Variants in MTMR8 observed in about 807,000 individuals in gnomAD.
The protein encoded by MTMR8 is myotubularin related protein 8, also known as phosphatidylinositol-3,5-bisphosphate 3-phosphatase MTMR8.
A neutral mutation model predicts 39.3 loss-of-function variants in MTMR8; 65 were observed. The ratio of observed to expected loss-of-function variants is 1.65; its 90% CI spans 1.35 to 2.03. The LOEUF (loss-of-function observed/expected upper bound fraction) is 2.03, where lower values mean the gene tolerates loss of function less well. Among genes scored for constraint, MTMR8 ranks in the 30% most tolerant of loss-of-function variants. The pLI, the probability that MTMR8 is intolerant of heterozygous loss-of-function variation, is 0.00. For missense variants in MTMR8, 777 were observed against 538.9 expected (o/e 1.44, Z -4.37); for synonymous variants, 245 against 185.2 (o/e 1.32, Z -2.62).
chrX:64,337,539 A>C (rs1306153031), intron 8 of MTMR8, 146 bp from the exon 9 acceptor site: 1 of 578,667 alleles, frequency 1.7e-6, no homozygotes. Context: ...AACATCCTCT[A>C]TGGGGAATGA....
chrX:64,307,555 G>A (rs1229041276), intron 12 of MTMR8, among the ~76,000 whole-genome samples: 1 of 111,165 alleles, frequency 9.0e-6, no homozygotes, highest in Middle Eastern at 4.2e-3. Flanking sequence ...ATTGAGTTTC[G>A]TATCTATCCC....
intron 8 of MTMR8, among the ~76,000 whole-genome samples, chrX:64,341,205 G>A (rs368027893): frequency 2.7e-5 from 3 of 112,049 alleles, no homozygotes; most frequent in East Asian, 5.6e-4. Context: ...TGGGCCGGGC[G>A]TGGTAGCTTA....
intron 12 of MTMR8, among the ~76,000 whole-genome samples, chrX:64,291,557 T>G (rs1313729139): frequency 9.0e-6 from 1 of 111,171 alleles, no homozygotes; most frequent in Non-Finnish European, 1.9e-5. Context: ...TGTGTGCTAC[T>G]GTGGTCATAT....
intron 6 of MTMR8, among the ~76,000 whole-genome samples, chrX:64,345,775 G>A (rs754619562): frequency 9.0e-6 from 1 of 110,998 alleles, no homozygotes; most frequent in Non-Finnish European, 1.9e-5. Flanking sequence ...ACCATGCCTG[G>A]CTAATTTTTT....
At chrX:64,337,574 G>T (rs1357057683) in intron 8 of MTMR8, among the ~76,000 whole-genome samples, 181 bp from the exon 9 acceptor site, 1 of 111,996 alleles carries the variant, frequency 8.9e-6, no homozygotes, top group Admixed American at 9.5e-5. Flanking sequence ...GAGTTCAAGA[G>T]AAGGAGAGCT....
At chrX:64,383,838 C>T (rs1178245713) in intron 1 of MTMR8, among the ~76,000 whole-genome samples, 1 of 111,171 alleles carries the variant, frequency 9.0e-6, no homozygotes, top group Non-Finnish European at 1.9e-5. Context: ...TATCATTCTG[C>T]TCCTGGTCCC....
intron 1 of MTMR8, among the ~76,000 whole-genome samples, chrX:64,377,747 T>G (rs780817477): frequency 1.8e-5 from 2 of 112,113 alleles, no homozygotes; most frequent in African/African-American, 6.5e-5. Context: ...TAAAAAGGCA[T>G]GACTGTTTTG....
At chrX:64,313,183 A>G (rs1420593397) in intron 12 of MTMR8, among the ~76,000 whole-genome samples, 1 of 112,398 alleles carries the variant, frequency 8.9e-6, no homozygotes, top group Non-Finnish European at 1.9e-5. Flanking sequence ...CTTCCAATAG[A>G]AAGCTGCTTC....
At chrX:64,368,534 T>C (rs978858690) in intron 1 of MTMR8, among the ~76,000 whole-genome samples, 16 of 111,346 alleles carry the variant, frequency 1.4e-4, no homozygotes, top group Non-Finnish European at 2.6e-4. Flanking sequence ...AATAAATGGT[T>C]CTGGGAAAAC....
At chrX:64,296,854 G>C (rs1165129833) in intron 12 of MTMR8, among the ~76,000 whole-genome samples, 4 of 100,534 alleles carry the variant, frequency 4.0e-5, no homozygotes, top group Non-Finnish European at 8.0e-5. Flanking sequence ...TCTTGCGATA[G>C]TTTACTGAGA....
At chrX:64,332,273 A>G (rs1309466932) in intron 10 of MTMR8, among the ~76,000 whole-genome samples, 1 of 112,102 alleles carries the variant, frequency 8.9e-6, no homozygotes, top group Non-Finnish European at 1.9e-5. Flanking sequence ...ACCTCATCCC[A>G]GAACTGTTTA....
chrX:64,356,641 G>T (rs760359170), intron 2 of MTMR8, among the ~76,000 whole-genome samples: 2 of 110,744 alleles, frequency 1.8e-5, no homozygotes, highest in Non-Finnish European at 3.8e-5. Context: ...CTTTTAGCAT[G>T]CTGTGATAGA....
chrX:64,283,366 C>T (rs1326741629), intron 12 of MTMR8, among the ~76,000 whole-genome samples: 2 of 112,124 alleles, frequency 1.8e-5, no homozygotes, highest in Non-Finnish European at 3.8e-5. Context: ...CTCAAGGAGG[C>T]CTGCCTGCAT....
At chrX:64,277,770 C>T (rs1007348178) in intron 12 of MTMR8, among the ~76,000 whole-genome samples, 7 of 110,935 alleles carry the variant, frequency 6.3e-5, no homozygotes, top group African/African-American at 1.3e-4. Flanking sequence ...ATTTGAATGT[C>T]GGTCTGTCTT....
chrX:64,324,979 C>A (rs1161632036), intron 12 of MTMR8, among the ~76,000 whole-genome samples: 2 of 110,769 alleles, frequency 1.8e-5, no homozygotes, highest in East Asian at 2.8e-4. Context: ...AGAGACACTA[C>A]AACTGATGCT....
At chrX:64,301,178 A>G (rs1265052832) in intron 12 of MTMR8, among the ~76,000 whole-genome samples, 1 of 110,104 alleles carries the variant, frequency 9.1e-6, no homozygotes, top group Admixed American at 9.7e-5. Flanking sequence ...GTGTTTGCCA[A>G]CTTGGTTCCA....
chrX:64,303,717 T>C (rs1035296836), intron 12 of MTMR8, among the ~76,000 whole-genome samples: 2 of 112,723 alleles, frequency 1.8e-5, no homozygotes, highest in Non-Finnish European at 3.7e-5. Context: ...GCAGTACATA[T>C]GTGCCAAATT....
At chrX:64,325,327 C>T (rs965923394) in intron 12 of MTMR8, among the ~76,000 whole-genome samples, 1 of 111,731 alleles carries the variant, frequency 9.0e-6, no homozygotes, top group African/African-American at 3.3e-5. Flanking sequence ...ACCCTGATAG[C>T]AAAGCCAGGC....
In MTMR8 at chrX:64,354,762, C is replaced by T. The variant is rs1923578447; in HGVS notation, c.468+15G>A. The T allele has an allele frequency of 8.6e-7, 1 of 1,156,939 alleles. No homozygotes were observed. The highest frequency in any genetic ancestry group is 1.8e-5 in the African/African-American group (1 of 54,826). On this transcript the variant is annotated intron_variant, in intron 4 of 13. Coordinates refer to ENST00000374852, the MANE Select transcript of MTMR8 (RefSeq NM_017677.4). Reference sequence around the variant, plus strand: ...ATTAAATGCACCAAAAGGCAAACAACAAGGACAAAATTACCTCATAGTTTC... The same window carrying T: ...ATTAAATGCACCAAAAGGCAAACAATAAGGACAAAATTACCTCATAGTTTC...
Sources: gnomAD v4.1 joint callset for allele counts (sites outside exome capture counted in the v4.1 genomes callset) on GRCh38, gnomAD v4.1.1 for gene constraint, MANE v1.5 for transcripts, NCBI Gene and HGNC (gene_info 2026-07-23, HGNC 2026-07-21) for gene names.